The following ATP8B3 variants were observed in gnomAD, a reference collection of about 807,000 sequenced individuals.
The protein encoded by ATP8B3 is phospholipid-transporting ATPase IK.
In ATP8B3, 141 loss-of-function variants were observed where a neutral mutation model predicts 140.9. The ratio of observed to expected loss-of-function variants is 1.00; its 90% CI spans 0.87 to 1.15. The LOEUF is 1.15. Among genes scored for constraint, ATP8B3 ranks in the 50% most tolerant of loss-of-function variants. The pLI, the probability that ATP8B3 is intolerant of heterozygous loss-of-function variation, is 0.00. For missense variants in ATP8B3, 1,874 were observed against 1,740.6 expected (o/e 1.08, Z -1.36); for synonymous variants, 765 against 714.6 (o/e 1.07, Z -1.13).
rs891227249 is a variant in ATP8B3, at chr19:1,806,805, G to A, written c.616-116C>T. The A allele has an allele frequency of 8.6e-5, 100 of 1,167,790 alleles. No homozygotes were observed. The highest frequency in any genetic ancestry group is 1.2e-4 in the Non-Finnish European group (99 of 809,642). The allele number at this position is 1,167,790 out of a possible 1,614,324, so 72.3% of individuals were successfully genotyped here. On this transcript the variant is annotated intron_variant, in intron 6 of 28. Coordinates refer to ENST00000310127, the MANE Select transcript of ATP8B3 (RefSeq NM_138813.4). The surrounding 1 kb of genome is among the most constrained non-coding windows in gnomAD (Gnocchi z 5.6). ...CCGCAACACGGGGTCCCTGTCCGCT[G>A]GCCCCACGCCACGTTGCGTCTGCTC...
At chr19:1,796,360 T>G in intron 16 of ATP8B3, 95 bp from the exon 17 acceptor site, 2 of 1,201,488 alleles carry the variant, frequency 1.7e-6, no homozygotes, top group South Asian at 1.5e-5. Flanking sequence ...GGGCTACACC[T>G]TTATTGATGG....
At chr19:1,791,716 G>A in intron 20 of ATP8B3, 34 bp downstream of exon 20, 1 of 1,533,246 alleles carries the variant, frequency 6.5e-7, no homozygotes, top group Non-Finnish European at 9.0e-7. Flanking sequence ...CCATGCTGCA[G>A]GGGCTTAGCC....
intron 4 of ATP8B3, among the ~76,000 whole-genome samples, 170 bp from the exon 5 acceptor site, chr19:1,808,505 G>A (rs2069096167): frequency 6.6e-6 from 1 of 151,786 alleles, no homozygotes; most frequent in Non-Finnish European, 1.5e-5. Context: ...AGCACCTGCT[G>A]AATGCAAGGC....
rs1030773767 is a variant in ATP8B3, at chr19:1,811,536, G to C, written c.201C>G (p.His67Gln). The C allele has an allele frequency of 6.2e-7, 1 of 1,612,204 alleles. No individual in the cohort carries two copies. The highest frequency in any genetic ancestry group is 8.5e-7 in the Non-Finnish European group (1 of 1,179,760). Residue 67 changes from histidine to glutamine, a missense_variant, in exon 2 of 29, where the codon CAC (histidine) becomes CAG (glutamine). Physicochemically the swap from His to Gln is conservative, Grantham distance 24 (BLOSUM62 0). This residue lies in a region of ATP8B3 where 1,032 missense variants were observed against 963.6 expected (regional missense o/e 1.07). Coordinates refer to ENST00000310127, the MANE Select transcript of ATP8B3 (RefSeq NM_138813.4). ...SPGRGAPERR[H>Q]KAQPGRARKY... ...TCCTAGCCCGGCCAGGCTGGGCCTT[G>C]TGCCTCCTCTCAGGTGCCCCTCTGC... is the stretch of plus-strand genomic sequence containing the variant.
Position 1,789,352 on chromosome 19 carries a change from G to T in ATP8B3, c.2845+9C>A. ...CCCAGGCACCCCCAGCCCCGCCGCC[G>T]CCACCCACTCTTGATCATGTTGATG... On this transcript the variant is annotated intron_variant, in intron 23 of 28. Coordinates refer to ENST00000310127, the MANE Select transcript of ATP8B3 (RefSeq NM_138813.4). The T allele has an allele frequency of 1.5e-6, 2 of 1,378,772 alleles. No individual in the cohort carries two copies. Among genetic ancestry groups the T allele is most frequent in the Non-Finnish European group, 9.5e-7 (1 of 1,052,350 alleles). 85.4% of individuals were successfully genotyped at this position (1,378,772 alleles called of 1,614,324 possible). A position where few individuals can be genotyped will look rare whatever the true frequency, so the allele number is the denominator to read the frequency against.
At chr19:1,810,093 G>A (rs1291956884) in intron 3 of ATP8B3, among the ~76,000 whole-genome samples, 1 of 152,232 alleles carries the variant, frequency 6.6e-6, no homozygotes, top group Non-Finnish European at 1.5e-5. Context: ...CATACATCCA[G>A]CTGGCGGCCC....
chr19:1,809,174 A>C (rs1428686843), intron 4 of ATP8B3, among the ~76,000 whole-genome samples: 2 of 150,760 alleles, frequency 1.3e-5, no homozygotes, highest in Non-Finnish European at 3.0e-5. Context: ...ACTCCATCTT[A>C]AAACAAAACA....
chr19:1,800,992 C>G lies in ATP8B3; in HGVS notation c.1153-543G>C, dbSNP rs984092899. Among the ~76,000 whole-genome samples, 19 of 151,328 alleles carry G rather than the reference C, an allele frequency of 1.3e-4. No individual in the cohort carries two copies. Among genetic ancestry groups the G allele is most frequent in the Non-Finnish European group, 5.9e-5 (4 of 67,838 alleles). On this transcript the variant is annotated intron_variant, in intron 12 of 28. Transcript: ENST00000310127. This position sits in a 1 kb window ranked among gnomAD's most constrained non-coding sequence, Gnocchi z 4.4. ...TACAGGCGCCCGCCACCACGCCCGGCTAATTTTTTGTATTTTTAGTAGAGA... is the reference window on the plus strand; with the variant it reads ...TACAGGCGCCCGCCACCACGCCCGGGTAATTTTTTGTATTTTTAGTAGAGA...
rs1228434453 is a variant in ATP8B3, at chr19:1,785,463, G to A, written c.3393+6C>T. On this transcript the variant is annotated splice_donor_region_variant and intron_variant, in intron 26 of 28. Transcript: ENST00000310127. Reference sequence around the variant, plus strand: ...AAGGCCCCGGGGAGGTGAGGACCTTGCCCACCTCCATGGTGATGGACAGCA... The same window carrying A: ...AAGGCCCCGGGGAGGTGAGGACCTTACCCACCTCCATGGTGATGGACAGCA... 1 of 1,611,968 alleles carries A rather than the reference G, an allele frequency of 6.2e-7. No individual in the cohort carries two copies. Among genetic ancestry groups the A allele is most frequent in the East Asian group, 2.2e-5 (1 of 44,832 alleles).
At chr19:1,792,212 G>A (rs985593256) in intron 18 of ATP8B3, 77 bp from the exon 19 acceptor site, 7 of 1,441,942 alleles carry the variant, frequency 4.9e-6, no homozygotes, top group East Asian at 2.5e-5. Context: ...ACCCCCTGCC[G>A]GGCTCCGGAG....
intron 16 of ATP8B3, 104 bp downstream of exon 16, chr19:1,796,607 A>G: frequency 7.0e-7 from 1 of 1,425,880 alleles, no homozygotes; most frequent in Non-Finnish European, 9.3e-7. Context: ...CCCCCAAGCC[A>G]GCTGAAAGCC....
chr19:1,794,210 G>T lies in ATP8B3; in HGVS notation c.2055+1665C>A, dbSNP rs1178285134. 2.6e-5 allele frequency among the ~76,000 whole-genome samples: 4 copies of T among 152,164 alleles called. 1 individual carries two copies. ...GTCTGATTTCCCTTTTGTTGTTGATGGGGCACGGGTCCAAGAGCTTGGGCT... is the reference window on the plus strand; with the variant it reads ...GTCTGATTTCCCTTTTGTTGTTGATTGGGCACGGGTCCAAGAGCTTGGGCT... On this transcript the variant is annotated intron_variant, in intron 18 of 28. Coordinates refer to ENST00000310127, the MANE Select transcript of ATP8B3 (RefSeq NM_138813.4). The surrounding 1 kb of genome is among the most constrained non-coding windows in gnomAD (Gnocchi z 4.8).
At chr19:1,791,638 C>T in intron 20 of ATP8B3, 112 bp downstream of exon 20, 1 of 786,010 alleles carries the variant, frequency 1.3e-6, no homozygotes, top group Non-Finnish European at 2.1e-6. Context: ...AGTGATCCGC[C>T]CGCCTCGGCC....
At position 1,789,749 on chromosome 19, in the gene ATP8B3, G is replaced by A. The variant is rs754731978; in HGVS notation, c.2479-22C>T. 71 of 1,543,352 alleles carry A rather than the reference G, an allele frequency of 4.6e-5. No homozygotes were observed. The African/African-American group carries it at 4.6e-4, about 10-fold the overall frequency. ...TGTCCTGGCCGGCGGGGAGGGGGCT[G>A]TGCCAGGCGCCGTGGCCTCCAGGCC... On this transcript the variant is annotated intron_variant, in intron 22 of 28. Coordinates refer to ENST00000310127, the MANE Select transcript of ATP8B3 (RefSeq NM_138813.4).
Position 1,785,546 on chromosome 19 carries a change from C to T in ATP8B3, c.3316G>A (p.Gly1106Arg), listed in dbSNP as rs2068278071. Residue 1106 changes from glycine to arginine, a missense_variant, in exon 26 of 29, where the codon GGA becomes AGA. Coordinates refer to ENST00000310127, the MANE Select transcript of ATP8B3 (RefSeq NM_138813.4). Reference sequence around the variant, plus strand: ...TGGTGGTCGCTGAAGCTGGCGGGTCCCGCCGTGTCGCGGCTGATCCACAGT... The same window carrying T: ...TGGTGGTCGCTGAAGCTGGCGGGTCTCGCCGTGTCGCGGCTGATCCACAGT... ...MTLWISRDTAGPASFSDHQSF... is the reference protein window; with the variant it reads ...MTLWISRDTARPASFSDHQSF... 1.2e-6 allele frequency: 2 copies of T among 1,612,984 alleles called. No individual in the cohort carries two copies. The highest frequency in any genetic ancestry group is 1.7e-6 in the Non-Finnish European group (2 of 1,179,892).
chr19:1,810,567 C>CCT, intron 3 of ATP8B3, 55 bp downstream of exon 3: 1 of 1,566,628 alleles, frequency 6.4e-7, no homozygotes, highest in Non-Finnish European at 8.7e-7. Flanking sequence ...CCTGGCCAGC[C>CCT]CTGAACTTCA....
At chr19:1,792,171 G>A (rs761241589) in intron 18 of ATP8B3, 36 bp from the exon 19 acceptor site, 117 of 1,534,690 alleles carry the variant, frequency 7.6e-5, no homozygotes, top group Non-Finnish European at 9.3e-5. Context: ...TCACCATGCT[G>A]AAGCCGACAT....
Position 1,805,042 on chromosome 19 carries a change from A to G in ATP8B3, c.904+332T>C. 2.6e-6 allele frequency: 1 copy of G among 383,710 alleles called. No homozygotes were observed. The highest frequency in any genetic ancestry group is 5.0e-6 in the Non-Finnish European group (1 of 200,122). 23.8% of individuals were successfully genotyped at this position (383,710 alleles called of 1,614,324 possible). On this transcript the variant is annotated intron_variant, in intron 10 of 28. Coordinates refer to ENST00000310127, the MANE Select transcript of ATP8B3 (RefSeq NM_138813.4). The surrounding 1 kb of genome is among the most constrained non-coding windows in gnomAD (Gnocchi z 5.2). ...CCAGGCTGAGTGCAGTGATGTGATC[A>G]CAGCTCACTGCAGCCTCAGCCTCCC...
At chr19:1,811,452 CCCCTGT>C (rs2069185229) in intron 2 of ATP8B3, 31 bp downstream of exon 2, 1 of 1,593,550 alleles carries the variant, frequency 6.3e-7, no homozygotes, top group African/African-American at 1.3e-5. Context: ...CAAGCCCCTG[CCCCTGT>C]GTTCCGGCCA....
Sources: allele counts gnomAD v4.1 joint callset (sites outside exome capture counted in the v4.1 genomes callset), GRCh38; gene constraint gnomAD v4.1.1; regional missense constraint gnomAD v4.1.1; non-coding constraint Gnocchi (gnomAD v3.1); transcripts MANE v1.5; gene names NCBI Gene and HGNC (gene_info 2026-07-23, HGNC 2026-07-21).